PXDNL: variants seen among roughly 807,000 people sequenced by gnomAD.
PXDNL encodes probable oxidoreductase PXDNL.
A neutral mutation model predicts 150.8 loss-of-function variants in PXDNL; 145 were observed. The observed-to-expected ratio is 0.96, with a 90% CI of 0.84 to 1.10. PXDNL has a LOEUF of 1.10. Ranked by LOEUF, PXDNL falls within the 50% of genes least tolerant of loss-of-function variation. The pLI is 0.00. For synonymous variants in PXDNL, 757 were observed against 725.7 expected (o/e 1.04, Z -0.69); for missense variants, 2,087 against 1,873.9 (o/e 1.11, Z -2.10).
chr8:51,346,680 G>T (rs894283577), intron 19 of PXDNL, among the ~76,000 whole-genome samples: 14 of 152,122 alleles, frequency 9.2e-5, no homozygotes, highest in Admixed American at 7.2e-4. Flanking sequence ...AGTTCTTGGA[G>T]ATCTGTCGTT....
At chr8:51,326,650 A>C (rs1175520539) in intron 21 of PXDNL, among the ~76,000 whole-genome samples, 1 of 152,228 alleles carries the variant, frequency 6.6e-6, no homozygotes, top group East Asian at 1.9e-4. Flanking sequence ...AGGATATATA[A>C]TCAAAAGTGT....
At chr8:51,394,646 A>G (rs2130848013) in intron 17 of PXDNL, among the ~76,000 whole-genome samples, 1 of 152,312 alleles carries the variant, frequency 6.6e-6, no homozygotes, top group East Asian at 1.9e-4. Flanking sequence ...AATGTGTCTG[A>G]CTATGTAACA....
At chr8:51,689,321 ATTT>A (rs10719215) in intron 1 of PXDNL, among the ~76,000 whole-genome samples, 9,240 of 146,668 alleles carry the variant, frequency 0.063, 854 homozygotes, top group African/African-American at 0.21. Flanking sequence ...AGACATCCAG[ATTT>A]TTTTTTTTTT....
rs916168303 is a variant in PXDNL, at chr8:51,600,307, G to A, written c.237-7609C>T. Among the ~76,000 whole-genome samples the A allele has an allele frequency of 5.9e-4, 57 of 97,426 alleles. 2 individuals carry two copies. Among genetic ancestry groups the A allele is most frequent in the African/African-American group, 2.2e-3 (50 of 23,168 alleles). 63.9% of individuals were successfully genotyped at this position (97,426 alleles called of 152,430 possible). On this transcript the variant is annotated intron_variant, in intron 2 of 22. Coordinates refer to ENST00000356297, the MANE Select transcript of PXDNL (RefSeq NM_144651.5). ...AATTATATCTTATATAAATTATATG[G>A]TTTAGATAATAAATTATATCTTATA...
intron 1 of PXDNL, among the ~76,000 whole-genome samples, chr8:51,767,213 A>G (rs766027062): frequency 2.6e-5 from 4 of 151,770 alleles, no homozygotes; most frequent in Non-Finnish European, 4.4e-5. Flanking sequence ...TGCTTGAGCT[A>G]TACTTTCCTC....
chr8:51,754,592 C>T (rs1159952369), intron 1 of PXDNL, among the ~76,000 whole-genome samples: 2 of 152,174 alleles, frequency 1.3e-5, no homozygotes, highest in African/African-American at 2.4e-5. Context: ...CAAGCTCCGC[C>T]TCCTGGGTTC....
intron 12 of PXDNL, among the ~76,000 whole-genome samples, chr8:51,428,076 CA>C (rs1235924611): frequency 1.3e-5 from 2 of 152,114 alleles, no homozygotes; most frequent in African/African-American, 4.8e-5. Context: ...TATATGCAAT[CA>C]ACGAACATAT....
At chr8:51,537,092 G>C (rs57775390) in intron 4 of PXDNL, among the ~76,000 whole-genome samples, 2 of 152,234 alleles carry the variant, frequency 1.3e-5, no homozygotes, top group East Asian at 3.9e-4. Context: ...GATAAGACTC[G>C]GATAGTATCT....
rs1216615619 is a variant in PXDNL at position 51,676,565 on chromosome 8, C to G, written c.165-21805G>C. On this transcript the variant is annotated intron_variant, in intron 1 of 22. Transcript: ENST00000356297. The stretch of plus-strand genomic sequence containing the variant: ...ATACTGGGATTACAGGCGTGAGCCA[C>G]CATGCCTGGCCGGACTCATCTTTGA... Among the ~76,000 whole-genome samples, 7 of 151,602 alleles carry G rather than the reference C, an allele frequency of 4.6e-5. No individual in the cohort carries two copies. In the East Asian group the frequency reaches 7.7e-4, roughly 17 times the overall value.
At chr8:51,335,083 G>T (rs1805797285) in intron 21 of PXDNL, among the ~76,000 whole-genome samples, 1 of 152,154 alleles carries the variant, frequency 6.6e-6, no homozygotes, top group Admixed American at 6.5e-5. Flanking sequence ...ATGAAGTGAG[G>T]AGGCTGGATT....
chr8:51,809,334 C>A lies in PXDNL; in HGVS notation c.11G>T (p.Arg4Ile), dbSNP rs1425283747. The A allele has an allele frequency of 2.5e-5, 39 of 1,551,668 alleles. No homozygotes were observed. Among genetic ancestry groups the A allele is most frequent in the Non-Finnish European group, 3.3e-5 (38 of 1,148,942 alleles). ...AAAGAGAGTGGTCCAGCAGAACAGTCTGGGCTCCATCGCTCCATTCGCTGC... is the reference window on the plus strand; with the variant it reads ...AAAGAGAGTGGTCCAGCAGAACAGTATGGGCTCCATCGCTCCATTCGCTGC... MEP[R>I]LFCWTTLFLL... Residue 4 changes from arginine to isoleucine, a missense_variant, in exon 1 of 23, where the codon AGA becomes ATA. Transcript: ENST00000356297.
chr8:51,787,965 C>A (rs2037475619), intron 1 of PXDNL, among the ~76,000 whole-genome samples: 1 of 152,236 alleles, frequency 6.6e-6, no homozygotes, highest in Non-Finnish European at 1.5e-5. Context: ...AGGGAAGACC[C>A]TCCACCAGAA....
At chr8:51,601,370 C>A (rs1349397558) in intron 2 of PXDNL, among the ~76,000 whole-genome samples, 2 of 151,844 alleles carry the variant, frequency 1.3e-5, no homozygotes, top group African/African-American at 4.8e-5. Context: ...ATTGCAGATC[C>A]AGAAATACTT....
chr8:51,692,312 C>A (rs1165658659), intron 1 of PXDNL, among the ~76,000 whole-genome samples: 1 of 152,008 alleles, frequency 6.6e-6, no homozygotes, highest in Non-Finnish European at 1.5e-5. Flanking sequence ...CAGAGAAAGA[C>A]AACTATTAAA....
intron 12 of PXDNL, among the ~76,000 whole-genome samples, chr8:51,445,168 C>G (rs1391845075): frequency 6.6e-6 from 1 of 152,134 alleles, no homozygotes; most frequent in Non-Finnish European, 1.5e-5. Flanking sequence ...GATCCACTAG[C>G]CTCAGCCTCT....
Position 51,350,640 on chromosome 8 carries a change from C to A in PXDNL, c.3902-4693G>T, listed in dbSNP as rs374330745. Among the ~76,000 whole-genome samples, 63 of 152,198 alleles carry A rather than the reference C, an allele frequency of 4.1e-4. 1 individual carries two copies. Among genetic ancestry groups the A allele is most frequent in the African/African-American group, 1.2e-3 (49 of 41,548 alleles). ...AAAGTGCTGGGATTACAGGTGTGAG[C>A]CATCGCGCCCAGCCGCAAATGCAGC... is the stretch of plus-strand genomic sequence containing the variant. On this transcript the variant is annotated intron_variant, in intron 19 of 22. Coordinates refer to ENST00000356297, the MANE Select transcript of PXDNL (RefSeq NM_144651.5).
chr8:51,747,567 C>T (rs1345574528), intron 1 of PXDNL, among the ~76,000 whole-genome samples: 1 of 152,158 alleles, frequency 6.6e-6, no homozygotes, highest in East Asian at 1.9e-4. Context: ...TGCCAAGGAG[C>T]GGTCCAAGTT....
In PXDNL at chr8:51,574,129, A is replaced by G. The variant is rs372024254; in HGVS notation, c.309-17218T>C. ...TAGGATTATATAATAGAGATTTTTA[A>G]AGAACATCATAAAAATGCCTCAGGA... is the stretch of plus-strand genomic sequence containing the variant. On this transcript the variant is annotated intron_variant, in intron 3 of 22. Coordinates refer to ENST00000356297, the MANE Select transcript of PXDNL (RefSeq NM_144651.5). Among the ~76,000 whole-genome samples the G allele has an allele frequency of 1.3e-4, 20 of 152,034 alleles. No homozygotes were observed. The East Asian group carries it at 1.7e-3, about 13-fold the overall frequency.
intron 5 of PXDNL, among the ~76,000 whole-genome samples, chr8:51,498,691 C>A (rs1811111947): frequency 6.6e-6 from 1 of 152,092 alleles, no homozygotes; most frequent in African/African-American, 2.4e-5. Context: ...ACCAAGAATA[C>A]AAAACATTGC....
Sources: gnomAD v4.1 joint callset for allele counts (sites outside exome capture counted in the v4.1 genomes callset) on GRCh38, gnomAD v4.1.1 for gene constraint, MANE v1.5 for transcripts, NCBI Gene and HGNC (gene_info 2026-07-23, HGNC 2026-07-21) for gene names.